TMOD1: variants seen among roughly 807,000 people sequenced by gnomAD.
TMOD1 encodes tropomodulin-1.
In TMOD1, 17 loss-of-function variants were observed where a neutral mutation model predicts 40.6. The ratio of observed to expected loss-of-function variants is 0.42; its 90% CI spans 0.29 to 0.63. The LOEUF (loss-of-function observed/expected upper bound fraction) is 0.63. TMOD1 is among the 20% of genes least tolerant of loss of function. The pLI is 0.22. For synonymous variants in TMOD1, 181 were observed against 175.0 expected (o/e 1.03, Z -0.27); for missense variants, 391 against 447.6 (o/e 0.87, Z 1.14).
At chr9:97,576,790 C>T (rs1296402781) in intron 8 of TMOD1, among the ~76,000 whole-genome samples, 7 of 152,010 alleles carry the variant, frequency 4.6e-5, no homozygotes, top group Admixed American at 2.6e-4. Context: ...CCCGCCACCA[C>T]GTCCAGCTAA....
chr9:97,556,409 G>A (rs1005429436), intron 4 of TMOD1, among the ~76,000 whole-genome samples: 2 of 152,196 alleles, frequency 1.3e-5, no homozygotes, highest in Non-Finnish European at 2.9e-5. Context: ...ACCAGAGAGT[G>A]GTGGGTGGTT....
intron 9 of TMOD1, among the ~76,000 whole-genome samples, chr9:97,595,832 G>A (rs1826098676): frequency 6.6e-6 from 1 of 152,014 alleles, no homozygotes; most frequent in African/African-American, 2.4e-5. Context: ...CAGCACTTTG[G>A]GAGGCCGAGG....
chr9:97,521,504 TC>T (rs1829915184), intron 1 of TMOD1, among the ~76,000 whole-genome samples: 1 of 152,148 alleles, frequency 6.6e-6, no homozygotes, highest in African/African-American at 2.4e-5. Flanking sequence ...ATGGATCCTC[TC>T]CCCATCCTGG....
intron 4 of TMOD1, among the ~76,000 whole-genome samples, chr9:97,553,747 G>A (rs1267529114): frequency 6.6e-6 from 1 of 152,166 alleles, no homozygotes; most frequent in Non-Finnish European, 1.5e-5. Flanking sequence ...AGGGAAAACA[G>A]ACAGAGGGCC....
In TMOD1 at chr9:97,601,274, T is replaced by G; in HGVS notation, c.*1576T>G. The stretch of plus-strand genomic sequence containing the variant: ...TATGCATGGCTGCGTATGTGTTTCT[T>G]GGAACCTGTGTGACAGGGACATGTG... On this transcript the variant is annotated 3_prime_UTR_variant, in exon 10 of 10. Coordinates refer to ENST00000259365, the MANE Select transcript of TMOD1 (RefSeq NM_003275.4). 8.3e-7 allele frequency: 1 copy of G among 1,198,398 alleles called. No homozygotes were observed. Among genetic ancestry groups the G allele is most frequent in the Non-Finnish European group, 1.1e-6 (1 of 935,976 alleles). The allele number at this position is 1,198,398 out of a possible 1,614,324, so 74.2% of individuals were successfully genotyped here.
chr9:97,533,013 T>G (rs1830126501), intron 2 of TMOD1, among the ~76,000 whole-genome samples: 1 of 152,228 alleles, frequency 6.6e-6, no homozygotes, highest in African/African-American at 2.4e-5. Context: ...CATTTTCAGC[T>G]CCACTAATTG....
chr9:97,559,821 A>G (rs1413916394), intron 4 of TMOD1, among the ~76,000 whole-genome samples: 8 of 26,202 alleles, frequency 3.1e-4, no homozygotes, highest in African/African-American at 1.1e-3. Context: ...ATATATATAT[A>G]TATGTCTATC....
chr9:97,509,718 A>G (rs978832391), intron 1 of TMOD1, among the ~76,000 whole-genome samples: 3 of 151,740 alleles, frequency 2.0e-5, no homozygotes, highest in Non-Finnish European at 4.4e-5. Context: ...CTGGTCTTGA[A>G]CTGAAAAAGG....
chr9:97,540,515 C>T (rs1217479317), intron 2 of TMOD1, among the ~76,000 whole-genome samples: 1 of 152,198 alleles, frequency 6.6e-6, no homozygotes. Flanking sequence ...AGGGCTTCAA[C>T]GTATGAGTTG....
At chr9:97,525,709 G>A (rs928001638) in intron 2 of TMOD1, among the ~76,000 whole-genome samples, 2 of 152,170 alleles carry the variant, frequency 1.3e-5, no homozygotes, top group African/African-American at 4.8e-5. Flanking sequence ...TTGTGCAATA[G>A]CTATCCAATT....
At chr9:97,552,068 GT>G (rs1272689529) in intron 3 of TMOD1, among the ~76,000 whole-genome samples, 3 of 152,058 alleles carry the variant, frequency 2.0e-5, no homozygotes, top group African/African-American at 7.2e-5. Flanking sequence ...GTTCTAATAG[GT>G]TTTTTTGTGT....
chr9:97,579,318 G>T (rs1207480517), intron 8 of TMOD1, among the ~76,000 whole-genome samples: 2 of 152,180 alleles, frequency 1.3e-5, no homozygotes, highest in African/African-American at 4.8e-5. Context: ...TCGACCGAGA[G>T]AAACTGGGTA....
intron 4 of TMOD1, among the ~76,000 whole-genome samples, chr9:97,562,309 G>C (rs1291795860): frequency 6.6e-6 from 1 of 152,214 alleles, no homozygotes; most frequent in African/African-American, 2.4e-5. Context: ...GGAGATGATG[G>C]GATGGGAGGG....
At chr9:97,518,508 G>A (rs1829862439) in intron 1 of TMOD1, among the ~76,000 whole-genome samples, 1 of 152,246 alleles carries the variant, frequency 6.6e-6, no homozygotes, top group South Asian at 2.1e-4. Flanking sequence ...AGAAATGAAT[G>A]AGCTAAGAAC....
At chr9:97,575,955 C>T (rs1489536830) in intron 8 of TMOD1, among the ~76,000 whole-genome samples, 1 of 152,194 alleles carries the variant, frequency 6.6e-6, no homozygotes, top group Non-Finnish European at 1.5e-5. Flanking sequence ...TATCTTTCAA[C>T]CTAGCAGTTT....
intron 3 of TMOD1, 25 bp downstream of exon 3, chr9:97,546,366 A>G (rs1390308602): frequency 6.2e-7 from 1 of 1,606,630 alleles, no homozygotes; most frequent in African/African-American, 1.3e-5. Flanking sequence ...TACTGTTATA[A>G]TATGCCACTC....
chr9:97,593,257 G>A (rs1410519485), intron 9 of TMOD1, among the ~76,000 whole-genome samples: 1 of 152,154 alleles, frequency 6.6e-6, no homozygotes, highest in African/African-American at 2.4e-5. Flanking sequence ...GCTGCAGGGG[G>A]ATACCAGCAT....
chr9:97,564,672 C>T (rs1441897524), intron 6 of TMOD1, among the ~76,000 whole-genome samples: 1 of 152,214 alleles, frequency 6.6e-6, no homozygotes, highest in Non-Finnish European at 1.5e-5. Flanking sequence ...GCCAAAATGT[C>T]CAAAGCGATA....
At chr9:97,554,481 G>A (rs138884603) in intron 4 of TMOD1, among the ~76,000 whole-genome samples, 2,557 of 152,020 alleles carry the variant, frequency 0.017, 31 homozygotes, top group Middle Eastern at 0.044. Context: ...TAGAGATTTG[G>A]GCATCATTAG....
Sources: allele counts gnomAD v4.1 joint callset (sites outside exome capture counted in the v4.1 genomes callset), GRCh38; gene constraint gnomAD v4.1.1; transcripts MANE v1.5; gene names NCBI Gene and HGNC (gene_info 2026-07-23, HGNC 2026-07-21).